TENM1: variants seen among roughly 807,000 people sequenced by gnomAD.
The protein encoded by TENM1 is teneurin-1.
Under a neutral mutation model 174.8 loss-of-function variants are expected in TENM1, and 35 were observed. The observed-to-expected ratio is 0.20, with a 90% CI of 0.15 to 0.27. The LOEUF (loss-of-function observed/expected upper bound fraction) is 0.27, where lower values mean the gene tolerates loss of function less well. TENM1 is among the 10% of genes least tolerant of loss of function. The pLI is 1.00. For missense variants in TENM1, 1,633 were observed against 2,130.1 expected, an observed-to-expected ratio of 0.77 and a Z score of 4.59; for synonymous variants, 781 against 798.7, an observed-to-expected ratio of 0.98 and a Z score of 0.37.
At chrX:124,618,969 G>C (rs1481192624) in intron 11 of TENM1, among the ~76,000 whole-genome samples, 2 of 111,445 alleles carry the variant, frequency 1.8e-5, no homozygotes, top group Admixed American at 9.6e-5. Flanking sequence ...TGTAGTCCTA[G>C]CTACTCAGGA....
intron 3 of TENM1, among the ~76,000 whole-genome samples, chrX:124,797,713 G>A (rs1314377904): frequency 9.2e-6 from 1 of 109,259 alleles, no homozygotes; most frequent in Non-Finnish European, 1.9e-5. Context: ...TAACTTCTGG[G>A]ATACAAATAC....
intron 1 of TENM1, among the ~76,000 whole-genome samples, chrX:124,945,409 A>C (rs1001379202): frequency 1.8e-5 from 2 of 110,651 alleles, no homozygotes; most frequent in Non-Finnish European, 3.8e-5. Context: ...TAAGAGTATC[A>C]CTCTGACTAT....
intron 3 of TENM1, among the ~76,000 whole-genome samples, chrX:124,858,894 G>C (rs1194625102): frequency 1.8e-5 from 2 of 110,387 alleles, no homozygotes; most frequent in Non-Finnish European, 3.8e-5. Flanking sequence ...TGTCATAATG[G>C]CTTGTTCTAT....
the TENM1 span, among the ~76,000 whole-genome samples, chrX:125,185,677 G>A: frequency 8.9e-6 from 1 of 112,013 alleles, no homozygotes; most frequent in African/African-American, 3.2e-5. Flanking sequence ...AATCAAAAAG[G>A]AGACAGCGGA....
intron 3 of TENM1, among the ~76,000 whole-genome samples, chrX:124,807,881 ACACACAC>A (rs2055651702): frequency 7.3e-5 from 1 of 13,675 alleles, no homozygotes; most frequent in African/African-American, 1.6e-4. Flanking sequence ...AATCACTTAC[ACACACAC>A]ACACACACAC....
the TENM1 span, among the ~76,000 whole-genome samples, chrX:125,087,831 T>TA: frequency 1.8e-4 from 20 of 111,539 alleles, no homozygotes; most frequent in African/African-American, 6.2e-4. Flanking sequence ...CACACTGATA[T>TA]ATATAAATGA....
At chrX:124,592,375 G>A (rs748920515) in intron 11 of TENM1, among the ~76,000 whole-genome samples, 2 of 104,733 alleles carry the variant, frequency 1.9e-5, no homozygotes, top group African/African-American at 7.0e-5. Flanking sequence ...TCTAATTTTT[G>A]TAATTATTTC....
chrX:124,641,962 G>T (rs2051028224), exon 11 of TENM1: 1 of 1,209,890 alleles, frequency 8.3e-7, no homozygotes, highest in Non-Finnish European at 1.1e-6. Flanking sequence ...CAGATGCCAT[G>T]GTTGGAACAC....
In TENM1 at chrX:124,586,153, T is replaced by C. The variant is rs757914629; in HGVS notation, c.2078-20593A>G. On this transcript the variant is annotated intron_variant, in intron 11 of 31. Coordinates refer to ENST00000422452, the Ensembl canonical transcript of TENM1. ...TTCCTTCTGAAACTATTCCAATCAA[T>C]AGAAAAAGAGGGAATCCTCCCTAAC... Among the ~76,000 whole-genome samples the C allele has an allele frequency of 4.4e-3, 487 of 109,693 alleles. 2 individuals carry two copies. Among genetic ancestry groups the C allele is most frequent in the Admixed American group, 8.5e-3 (88 of 10,325 alleles).
At chrX:124,687,999 A>T (rs2052411760) in intron 5 of TENM1, among the ~76,000 whole-genome samples, 1 of 111,238 alleles carries the variant, frequency 9.0e-6, no homozygotes, top group African/African-American at 3.3e-5. Flanking sequence ...CATGCTGGCT[A>T]TAGTTAATAA....
intron 3 of TENM1, among the ~76,000 whole-genome samples, chrX:124,852,167 G>A (rs2056732045): frequency 9.0e-6 from 1 of 111,354 alleles, no homozygotes; most frequent in Admixed American, 9.6e-5. Context: ...AAGGTAGGTT[G>A]AAGCTAGGCT....
At chrX:124,990,361 C>A in the TENM1 span, among the ~76,000 whole-genome samples, 1 of 112,853 alleles carries the variant, frequency 8.9e-6, no homozygotes, top group Non-Finnish European at 1.9e-5. Flanking sequence ...ATCTTATTTT[C>A]AGCACCATGC....
At chrX:124,924,765 A>G (rs1311231198) in intron 1 of TENM1, among the ~76,000 whole-genome samples, 3 of 111,689 alleles carry the variant, frequency 2.7e-5, no homozygotes, top group African/African-American at 9.8e-5. Context: ...TGGAAATTTC[A>G]GGCATTGTGG....
chrX:124,851,454 G>A (rs901003417), intron 3 of TENM1, among the ~76,000 whole-genome samples: 1 of 111,748 alleles, frequency 8.9e-6, no homozygotes, highest in African/African-American at 3.2e-5. Flanking sequence ...GGGCATGTAT[G>A]TGCATATGCA....
At chrX:124,522,689 C>CT (rs1333404267) in intron 17 of TENM1, among the ~76,000 whole-genome samples, 5,130 of 97,090 alleles carry the variant, frequency 0.053, 325 homozygotes, top group African/African-American at 0.17. Context: ...AAGTAGATTT[C>CT]TTTTTTTTTT....
Position 124,874,649 on chromosome X carries a change from C to A in TENM1, c.535+19647G>T, listed in dbSNP as rs1188686728. ...TACTTTAAGGTTGGAAGAAATTCTC[C>A]CATATTGCTTTATAGTACTTATTTT... On this transcript the variant is annotated intron_variant, in intron 3 of 31. Coordinates refer to ENST00000422452, the Ensembl canonical transcript of TENM1. Among the ~76,000 whole-genome samples the A allele has an allele frequency of 5.4e-5, 6 of 110,705 alleles. No homozygotes were observed. In the Admixed American group the frequency reaches 5.8e-4, roughly 11 times the overall value.
chrX:125,010,560 AT>A, the TENM1 span, among the ~76,000 whole-genome samples: 3 of 110,218 alleles, frequency 2.7e-5, no homozygotes, highest in African/African-American at 9.9e-5. Context: ...CAAGCCTGTA[AT>A]CACAGCACTT....
intron 6 of TENM1, among the ~76,000 whole-genome samples, chrX:124,662,928 T>TTTTA (rs2051649876): frequency 8.9e-6 from 1 of 112,138 alleles, no homozygotes; most frequent in Non-Finnish European, 1.9e-5. Context: ...ATGTCTTCTG[T>TTTTA]TTTATTTGTT....
At chrX:125,066,067 G>T in the TENM1 span, among the ~76,000 whole-genome samples, 5 of 111,783 alleles carry the variant, frequency 4.5e-5, no homozygotes, top group African/African-American at 1.6e-4. Flanking sequence ...ATGTTTAATA[G>T]CCATTTGTGA....
Sources: allele counts gnomAD v4.1 joint callset (sites outside exome capture counted in the v4.1 genomes callset), GRCh38; gene constraint gnomAD v4.1.1; transcripts MANE v1.5; gene names NCBI Gene and HGNC (gene_info 2026-07-23, HGNC 2026-07-21).